WDR41: variants seen among roughly 807,000 people sequenced by gnomAD.
The protein encoded by WDR41 is WD repeat-containing protein 41.
Under a neutral mutation model 69.3 loss-of-function variants are expected in WDR41, and 63 were observed. The ratio of observed to expected loss-of-function variants is 0.91; its 90% CI spans 0.74 to 1.12. The LOEUF (loss-of-function observed/expected upper bound fraction) is 1.12, where lower values mean the gene tolerates loss of function less well. Ranked by LOEUF, WDR41 falls within the 50% of genes most tolerant of loss-of-function variation. The pLI, the probability that WDR41 is intolerant of heterozygous loss-of-function variation, is 0.00. For synonymous variants in WDR41, 185 were observed against 192.1 expected, an observed-to-expected ratio of 0.96 and a Z score of 0.31; for missense variants, 543 against 534.5, an observed-to-expected ratio of 1.02 and a Z score of -0.16.
chr5:77,515,401 C>A (rs1802277944), intron 1 of WDR41, among the ~76,000 whole-genome samples: 1 of 152,166 alleles, frequency 6.6e-6, no homozygotes, highest in Admixed American at 6.5e-5. Context: ...GGCAATAACA[C>A]ATATGAAACT....
chr5:77,465,721 CTTTT>C (rs34003396), intron 2 of WDR41, among the ~76,000 whole-genome samples: 2 of 144,004 alleles, frequency 1.4e-5, no homozygotes, highest in African/African-American at 5.1e-5. Context: ...CAAATTCAGG[CTTTT>C]TTTTTTTTTC....
chr5:77,460,230 G>C (rs1487257596), intron 4 of WDR41, among the ~76,000 whole-genome samples: 1 of 152,164 alleles, frequency 6.6e-6, no homozygotes, highest in East Asian at 1.9e-4. Context: ...CCATCATAAA[G>C]TTGAAAAACT....
intron 2 of WDR41, among the ~76,000 whole-genome samples, chr5:77,487,011 T>C (rs1238789068): frequency 2.0e-5 from 3 of 152,224 alleles, no homozygotes; most frequent in African/African-American, 7.2e-5. Flanking sequence ...ACCAAATATA[T>C]GTCAGCATTT....
intron 1 of WDR41, among the ~76,000 whole-genome samples, chr5:77,518,927 T>A (rs943352979): frequency 6.6e-6 from 1 of 152,050 alleles, no homozygotes; most frequent in Non-Finnish European, 1.5e-5. Flanking sequence ...CTCCAATAAA[T>A]TGTTAATTTT....
At chr5:77,609,865 CAG>C (rs1744508753) in intron 1 of WDR41, among the ~76,000 whole-genome samples, 1 of 142,622 alleles carries the variant, frequency 7.0e-6, no homozygotes, top group South Asian at 2.3e-4. Flanking sequence ...CTCTGAGCTA[CAG>C]GAGGAAATTC....
At chr5:77,517,654 A>G (rs1802310777) in intron 1 of WDR41, among the ~76,000 whole-genome samples, 1 of 148,564 alleles carries the variant, frequency 6.7e-6, no homozygotes, top group African/African-American at 2.5e-5. Context: ...ATATATATAT[A>G]TATACCAGGC....
At chr5:77,617,021 C>T (rs890091163) in intron 1 of WDR41, among the ~76,000 whole-genome samples, 3 of 152,212 alleles carry the variant, frequency 2.0e-5, no homozygotes, top group Non-Finnish European at 4.4e-5. Flanking sequence ...TCCATTGCTC[C>T]ATTCCACAGC....
At chr5:77,597,628 A>G (rs2112318439) in intron 1 of WDR41, among the ~76,000 whole-genome samples, 1 of 152,310 alleles carries the variant, frequency 6.6e-6, no homozygotes, top group Admixed American at 6.5e-5. Flanking sequence ...TGTCTGTACT[A>G]GAATGTACAC....
intron 8 of WDR41, among the ~76,000 whole-genome samples, chr5:77,446,473 T>C (rs1799385193): frequency 6.6e-6 from 1 of 152,026 alleles, no homozygotes; most frequent in Non-Finnish European, 1.5e-5. Flanking sequence ...GCCAAGACAA[T>C]CCTAAGCAAA....
intron 2 of WDR41, among the ~76,000 whole-genome samples, chr5:77,475,251 C>A (rs944586943): frequency 1.3e-5 from 2 of 152,232 alleles, no homozygotes; most frequent in Non-Finnish European, 2.9e-5. Context: ...GGGGCGCCCG[C>A]CATTGCCCAG....
intron 1 of WDR41, among the ~76,000 whole-genome samples, chr5:77,508,733 T>A (rs945809974): frequency 8.5e-5 from 13 of 152,154 alleles, no homozygotes; most frequent in Admixed American, 7.2e-4. Context: ...CTCTGGAGCT[T>A]GTTTTTGTTG....
intron 1 of WDR41, among the ~76,000 whole-genome samples, chr5:77,604,978 C>G (rs1463401096): frequency 6.7e-6 from 1 of 150,168 alleles, no homozygotes; most frequent in Non-Finnish European, 1.5e-5. Context: ...CTCTAGGATA[C>G]ACAGGAAACA....
chr5:77,614,705 G>A (rs1744643315), intron 1 of WDR41, among the ~76,000 whole-genome samples: 1 of 148,876 alleles, frequency 6.7e-6, no homozygotes, highest in Non-Finnish European at 1.5e-5. Context: ...GCTTAATGAC[G>A]CGTTAATGGG....
chr5:77,435,864 CTG>C, intron 12 of WDR41, among the ~76,000 whole-genome samples: 1 of 152,318 alleles, frequency 6.6e-6, no homozygotes, highest in Admixed American at 6.5e-5. Context: ...AAACAGGACT[CTG>C]TTCATGAATT....
In WDR41 at chr5:77,438,197, G is replaced by C. The variant is rs202233268; in HGVS notation, c.1004+43C>G. ...AATTACACTGGTAGCCCTGGGAACT[G>C]TGACTTGCTTTCATCTATTGCAGAA... is the stretch of plus-strand genomic sequence containing the variant. On this transcript the variant is annotated intron_variant, in intron 10 of 12. Coordinates refer to ENST00000296679, the MANE Select transcript of WDR41 (RefSeq NM_018268.4). 1.9e-6 allele frequency: 3 copies of C among 1,611,878 alleles called. No individual in the cohort carries two copies. The Admixed American group carries it at 5.0e-5, about 27-fold the overall frequency.
chr5:77,526,735 A>G (rs1465415392), intron 1 of WDR41, among the ~76,000 whole-genome samples: 1 of 152,174 alleles, frequency 6.6e-6, no homozygotes, highest in Non-Finnish European at 1.5e-5. Flanking sequence ...AATTCCATTA[A>G]AAAGGCCTTT....
At chr5:77,437,229 G>A in intron 11 of WDR41, 107 bp downstream of exon 11, 2 of 927,600 alleles carry the variant, frequency 2.2e-6, no homozygotes, top group Non-Finnish European at 3.5e-6. Flanking sequence ...TGCCTATTTG[G>A]AGCATTTCTA....
At chr5:77,504,370 A>G (rs1331980999) in intron 1 of WDR41, among the ~76,000 whole-genome samples, 1 of 152,204 alleles carries the variant, frequency 6.6e-6, no homozygotes, top group Non-Finnish European at 1.5e-5. Flanking sequence ...TCTGAAATTG[A>G]CGCAATAATT....
chr5:77,487,923 A>G (rs1267902871), intron 2 of WDR41, among the ~76,000 whole-genome samples: 3 of 152,218 alleles, frequency 2.0e-5, no homozygotes, highest in Non-Finnish European at 4.4e-5. Context: ...GGTGATACAC[A>G]CTGATGTTCC....
Sources: allele counts gnomAD v4.1 joint callset (sites outside exome capture counted in the v4.1 genomes callset), GRCh38; gene constraint gnomAD v4.1.1; transcripts MANE v1.5; gene names NCBI Gene and HGNC (gene_info 2026-07-23, HGNC 2026-07-21).